The following CAST variants were observed in gnomAD, a reference collection of about 807,000 sequenced individuals.
CAST encodes the protein MIR583 host.
Under a neutral mutation model 119.6 loss-of-function variants are expected in CAST, and 76 were observed. The observed-to-expected ratio is 0.64, with a 90% confidence interval of 0.53 to 0.77. The LOEUF (loss-of-function observed/expected upper bound fraction) is 0.77, where lower values mean the gene tolerates loss of function less well. CAST is among the 30% of genes least tolerant of loss of function. The pLI, the probability that CAST is intolerant of heterozygous loss-of-function variation, is 0.00. For synonymous variants in CAST, 319 were observed against 331.6 expected, an observed-to-expected ratio of 0.96 and a Z score of 0.41; for missense variants, 953 against 946.5, an observed-to-expected ratio of 1.01 and a Z score of -0.09.
the CAST span, among the ~76,000 whole-genome samples, chr5:96,361,786 G>A: frequency 2.3e-5 from 3 of 132,278 alleles, no homozygotes; most frequent in Admixed American, 2.4e-4. Flanking sequence ...CAGTCATTTT[G>A]CCAGCCACAC....
intron 24 of CAST, among the ~76,000 whole-genome samples, chr5:96,758,283 TA>T (rs1426761859): frequency 6.6e-6 from 1 of 152,240 alleles, no homozygotes; most frequent in Non-Finnish European, 1.5e-5. Context: ...AATTGCCTCC[TA>T]AGGGAACTTA....
At chr5:96,361,339 C>G in the CAST span, among the ~76,000 whole-genome samples, 3 of 152,066 alleles carry the variant, frequency 2.0e-5, no homozygotes, top group Non-Finnish European at 2.9e-5. Flanking sequence ...GGGGAGTGAA[C>G]AGTTCTGTTT....
chr5:96,491,514 A>AAAAAAAAAAAAAAC, the CAST span, among the ~76,000 whole-genome samples: 1 of 147,506 alleles, frequency 6.8e-6, no homozygotes, highest in Non-Finnish European at 1.5e-5. Flanking sequence ...AAAAAAAAAA[A>AAAAAAAAAAAAAAC]AAAAAAAAAA....
chr5:96,646,225 G>T (rs78868032), intron 1 of CAST, among the ~76,000 whole-genome samples: 1 of 152,168 alleles, frequency 6.6e-6, no homozygotes, highest in Non-Finnish European at 1.5e-5. Flanking sequence ...TGTCCAAAAT[G>T]TTGTAATTAT....
At chr5:96,102,598 C>T in the CAST span, among the ~76,000 whole-genome samples, 2 of 152,170 alleles carry the variant, frequency 1.3e-5, no homozygotes, top group African/African-American at 4.8e-5. Flanking sequence ...TTGCCAGGGA[C>T]CCGCCCCTGC....
At chr5:96,518,819 C>T in the CAST span, among the ~76,000 whole-genome samples, 1 of 152,006 alleles carries the variant, frequency 6.6e-6, no homozygotes, top group Non-Finnish European at 1.5e-5. Flanking sequence ...TCAAGATCAG[C>T]CTGGCCAAGA....
At chr5:96,690,314 C>T (rs1263520123) in intron 2 of CAST, among the ~76,000 whole-genome samples, 2 of 152,128 alleles carry the variant, frequency 1.3e-5, no homozygotes, top group Non-Finnish European at 2.9e-5. Context: ...TCACTGCAAC[C>T]TCCATCTCCC....
chr5:96,310,562 C>CT, the CAST span, among the ~76,000 whole-genome samples: 44,963 of 134,334 alleles, frequency 0.33, 6,976 homozygotes, highest in Non-Finnish European at 0.37. Context: ...AGGTCTTAGG[C>CT]TTTTTTTTTT....
intron 1 of CAST, among the ~76,000 whole-genome samples, chr5:96,536,736 C>A (rs115499120): frequency 6.6e-6 from 1 of 152,114 alleles, no homozygotes; most frequent in South Asian, 2.1e-4. Flanking sequence ...AAATTCTAAT[C>A]ATAATTTGGG....
chr5:96,048,193 G>A, the CAST span, among the ~76,000 whole-genome samples: 1 of 152,166 alleles, frequency 6.6e-6, no homozygotes, highest in Non-Finnish European at 1.5e-5. Flanking sequence ...CCAGGATGGG[G>A]GTGGAGTGGT....
the CAST span, among the ~76,000 whole-genome samples, chr5:96,351,548 C>T: frequency 6.6e-6 from 1 of 152,042 alleles, no homozygotes; most frequent in Non-Finnish European, 1.5e-5. Flanking sequence ...TGCTTTAGGC[C>T]ACAGAGATGT....
chr5:96,089,053 G>C, the CAST span, among the ~76,000 whole-genome samples: 1 of 150,584 alleles, frequency 6.6e-6, no homozygotes, highest in African/African-American at 2.5e-5. Flanking sequence ...GCAGTGCAAG[G>C]AGCTCCAAAA....
At chr5:96,120,972 G>A in the CAST span, among the ~76,000 whole-genome samples, 3 of 151,970 alleles carry the variant, frequency 2.0e-5, no homozygotes, top group South Asian at 2.1e-4. Context: ...TCAATACCAC[G>A]TACTTGGTGA....
intron 4 of CAST, among the ~76,000 whole-genome samples, chr5:96,726,491 A>G (rs748622868): frequency 6.6e-6 from 1 of 152,236 alleles, no homozygotes; most frequent in Non-Finnish European, 1.5e-5. Context: ...TTGGATACAT[A>G]GGAAAAAATG....
At chr5:96,624,857 C>T (rs1266951355) in intron 1 of CAST, among the ~76,000 whole-genome samples, 1 of 152,140 alleles carries the variant, frequency 6.6e-6, no homozygotes, top group African/African-American at 2.4e-5. Context: ...GTTTGTGTTT[C>T]CTTTGTGCAA....
chr5:96,583,113 G>A (rs955762420), intron 1 of CAST, among the ~76,000 whole-genome samples: 12 of 152,052 alleles, frequency 7.9e-5, no homozygotes, highest in Admixed American at 2.0e-4. Flanking sequence ...GGTTTTTATG[G>A]CTGTCCTTCA....
At chr5:96,270,129 G>A in the CAST span, among the ~76,000 whole-genome samples, 2 of 151,832 alleles carry the variant, frequency 1.3e-5, no homozygotes. Context: ...AACAGAACCT[G>A]GAACAAAAAC....
At chr5:96,526,520 G>C (rs1324099920), upstream of CAST, among the ~76,000 whole-genome samples, 4 of 152,136 alleles carry the variant, frequency 2.6e-5, no homozygotes. Flanking sequence ...CTTTCTTTTA[G>C]GTAGTTGATG....
chr5:96,233,020 A>T, the CAST span, among the ~76,000 whole-genome samples: 1 of 152,214 alleles, frequency 6.6e-6, no homozygotes, highest in East Asian at 1.9e-4. Flanking sequence ...AGGGGAAACA[A>T]CCTAACAACC....
Sources: allele counts gnomAD v4.1 joint callset (sites outside exome capture counted in the v4.1 genomes callset), GRCh38; gene constraint gnomAD v4.1.1; transcripts MANE v1.5; gene names NCBI Gene and HGNC (gene_info 2026-07-23, HGNC 2026-07-21).